The following HERC3 variants were observed in gnomAD, a reference collection of about 807,000 sequenced individuals.
HERC3 encodes probable E3 ubiquitin-protein ligase HERC3.
Under a neutral mutation model 129.9 loss-of-function variants are expected in HERC3, and 58 were observed. That is an observed-to-expected ratio of 0.45 (90% confidence interval 0.36 to 0.56). The LOEUF is 0.56. HERC3 is among the 20% of genes least tolerant of loss of function. The probability of loss-of-function intolerance (pLI) is 0.00; values close to 1 mark genes in which losing one functional copy is unlikely to be tolerated. For synonymous variants in HERC3, 430 were observed against 451.0 expected (o/e 0.95, Z 0.59); for missense variants, 835 against 1,244.2 (o/e 0.67, Z 4.95).
chr4:88,644,521 A>C (rs1197727723), intron 3 of HERC3, among the ~76,000 whole-genome samples: 1 of 152,226 alleles, frequency 6.6e-6, no homozygotes, highest in African/African-American at 2.4e-5. Context: ...TAGACACTAT[A>C]TGATTCCATT....
the HERC3 span, among the ~76,000 whole-genome samples, chr4:88,568,046 G>A: frequency 6.6e-6 from 1 of 152,300 alleles, no homozygotes; most frequent in Admixed American, 6.5e-5. Context: ...TAGAGGTATT[G>A]CCTTAGTGGT....
rs1430219505 is a variant in HERC3 at position 88,696,048 on chromosome 4, C to T, written c.2658-8050C>T. The T allele has an allele frequency of 2.0e-5, 3 of 152,562 alleles. No individual in the cohort carries two copies. The East Asian group carries it at 5.8e-4, about 29-fold the overall frequency. 9.5% of individuals were successfully genotyped at this position (152,562 alleles called of 1,614,324 possible). On this transcript the variant is annotated intron_variant, in intron 23 of 25. Transcript: ENST00000402738. ...TAAGAGTCTTTACATTAAATATATT[C>T]TTCCTAAAAATCCTTACTGTATGCA...
intron 3 of HERC3, among the ~76,000 whole-genome samples, chr4:88,616,589 A>G (rs928430482): frequency 6.6e-6 from 1 of 152,228 alleles, no homozygotes; most frequent in Non-Finnish European, 1.5e-5. Flanking sequence ...GACCTGAAAG[A>G]ATGCAAGTGA....
chr4:88,672,994 A>C (rs1031045378), intron 16 of HERC3, among the ~76,000 whole-genome samples: 15 of 152,170 alleles, frequency 9.9e-5, no homozygotes, highest in African/African-American at 3.4e-4. Flanking sequence ...GGAACATTCT[A>C]AAGTGGCTGA....
intron 10 of HERC3, among the ~76,000 whole-genome samples, chr4:88,661,491 A>G (rs1038851996): frequency 1.3e-5 from 2 of 152,232 alleles, no homozygotes; most frequent in African/African-American, 2.4e-5. Flanking sequence ...AAAAAATCTC[A>G]TGAGCTGATG....
the HERC3 span, among the ~76,000 whole-genome samples, chr4:88,551,624 T>G: frequency 6.6e-6 from 1 of 151,942 alleles, no homozygotes; most frequent in Non-Finnish European, 1.5e-5. Context: ...CATTAAAAAG[T>G]CAGGAAAAAA....
Position 88,706,381 on chromosome 4 carries a change from A to G in HERC3, c.2945-371A>G, listed in dbSNP as rs144968617. Among the ~76,000 whole-genome samples the G allele has an allele frequency of 4.6e-5, 7 of 152,290 alleles. No homozygotes were observed. In the East Asian group the frequency reaches 1.4e-3, roughly 29 times the overall value. The stretch of plus-strand genomic sequence containing the variant: ...GTGGAAAGGAGAGCAAATAGATCCT[A>G]AATGGAATTCCGTAGACAAGGTGGT... On this transcript the variant is annotated intron_variant, in intron 25 of 25. Coordinates refer to ENST00000402738, the MANE Select transcript of HERC3 (RefSeq NM_014606.3).
At chr4:88,575,493 G>T in the HERC3 span, among the ~76,000 whole-genome samples, 6 of 152,172 alleles carry the variant, frequency 3.9e-5, no homozygotes, top group African/African-American at 1.4e-4. Context: ...AGGCTGCAGT[G>T]CTTTTAAGAG....
At chr4:88,611,434 C>T (rs1274135341) in intron 3 of HERC3, among the ~76,000 whole-genome samples, 1 of 152,172 alleles carries the variant, frequency 6.6e-6, no homozygotes, top group African/African-American at 2.4e-5. Context: ...ATGCTACCCC[C>T]AAGTAGCTTC....
the HERC3 span, among the ~76,000 whole-genome samples, chr4:88,534,731 C>T: frequency 6.6e-6 from 1 of 152,242 alleles, no homozygotes; most frequent in Non-Finnish European, 1.5e-5. Flanking sequence ...ATGTGTGATT[C>T]TATATGGCTT....
At position 88,649,795 on chromosome 4, in the gene HERC3, TG is replaced by T. The variant is rs1729080484; in HGVS notation, c.227-44del. 11 of 1,569,436 alleles carry T rather than the reference TG, an allele frequency of 7.0e-6. No homozygotes were observed. In the African/African-American group the frequency reaches 1.2e-4, roughly 17 times the overall value. On this transcript the variant is annotated intron_variant, in intron 3 of 25. Coordinates refer to ENST00000402738, the MANE Select transcript of HERC3 (RefSeq NM_014606.3). ...TCCTGTGTAATGGTAGCAGTATTCC[TG>T]TTTCTGGGTTGTACATTTTCCTCCT...
At chr4:88,592,225 C>A (rs992371980), upstream of HERC3, among the ~76,000 whole-genome samples, 2 of 152,252 alleles carry the variant, frequency 1.3e-5, no homozygotes, top group Admixed American at 6.5e-5. Flanking sequence ...GTCTTGCAGT[C>A]CGATTTCGGC....
At chr4:88,681,772 A>G (rs1732808738) in intron 21 of HERC3, among the ~76,000 whole-genome samples, 2 of 152,234 alleles carry the variant, frequency 1.3e-5, no homozygotes, top group Non-Finnish European at 2.9e-5. Flanking sequence ...GTAAAGTTCA[A>G]ACCAGTGTAA....
chr4:88,542,153 A>T, the HERC3 span, among the ~76,000 whole-genome samples: 1 of 152,136 alleles, frequency 6.6e-6, no homozygotes, highest in Admixed American at 6.6e-5. Context: ...TCAATCCAGG[A>T]GCTAGTTTTT....
intron 3 of HERC3, among the ~76,000 whole-genome samples, chr4:88,623,559 G>C (rs972891081): frequency 1.3e-5 from 2 of 152,140 alleles, no homozygotes; most frequent in East Asian, 1.9e-4. Context: ...CCCACTCGCA[G>C]TCTGGGTTCG....
intron 23 of HERC3, among the ~76,000 whole-genome samples, chr4:88,695,024 C>T (rs369898017): frequency 3.3e-5 from 5 of 152,060 alleles, no homozygotes; most frequent in African/African-American, 9.7e-5. Flanking sequence ...GTGTTTCAAT[C>T]GTTTTTGCTT....
intron 1 of HERC3, among the ~76,000 whole-genome samples, chr4:88,593,886 G>A (rs1722036200): frequency 6.6e-6 from 1 of 152,204 alleles, no homozygotes; most frequent in Admixed American, 6.5e-5. Flanking sequence ...CCTTTACCCT[G>A]GGGGAGGAGG....
the HERC3 span, chr4:88,527,229 C>T: frequency 1.3e-5 from 2 of 151,572 alleles, no homozygotes; most frequent in East Asian, 1.9e-4. Context: ...TTCTTTCTTA[C>T]TCTCTCTCAC....
At chr4:88,655,129 C>A (rs776009533) in intron 7 of HERC3, 45 bp from the exon 8 acceptor site, 8 of 1,607,992 alleles carry the variant, frequency 5.0e-6, no homozygotes, top group Non-Finnish European at 6.8e-6. Context: ...TAGAGGTATA[C>A]CCTTAAAGAT....
Sources: allele counts gnomAD v4.1 joint callset (sites outside exome capture counted in the v4.1 genomes callset), GRCh38; gene constraint gnomAD v4.1.1; transcripts MANE v1.5; gene names NCBI Gene and HGNC (gene_info 2026-07-23, HGNC 2026-07-21).